The following FBLN2 variants were observed in gnomAD, a reference collection of about 807,000 sequenced individuals.
FBLN2 encodes the protein fibulin-2.
A neutral mutation model predicts 123.7 loss-of-function variants in FBLN2; 81 were observed. The ratio of observed to expected loss-of-function variants is 0.65; its 90% confidence interval spans 0.55 to 0.79. The LOEUF is 0.79. Ranked by LOEUF, FBLN2 falls within the 30% of genes least tolerant of loss-of-function variation. The probability of loss-of-function intolerance (pLI) is 0.00; values close to 1 mark genes in which losing one functional copy is unlikely to be tolerated. For missense variants in FBLN2, 1,603 were observed against 1,681.3 expected, an observed-to-expected ratio of 0.95 and a Z score of 0.81; for synonymous variants, 699 against 701.4, an observed-to-expected ratio of 1.00 and a Z score of 0.05.
In FBLN2 at chr3:13,613,866, T is replaced by TA. The variant is rs1705485789; in HGVS notation, c.1549-117dup. 7 of 1,153,266 alleles carry TA rather than the reference T, an allele frequency of 6.1e-6. No homozygotes were observed. The South Asian group carries it at 8.2e-5, about 14-fold the overall frequency. The allele number at this position is 1,153,266 out of a possible 1,614,324, so 71.4% of individuals were successfully genotyped here. A position where few individuals can be genotyped will look rare whatever the true frequency, so the allele number is the denominator to read the frequency against. ...GACCCCTCTGCCCTGGGAGAGCGCATAGTCTGGCAGAGGAGATAAGATAAT... is the reference window on the plus strand; with the variant it reads ...GACCCCTCTGCCCTGGGAGAGCGCATAAGTCTGGCAGAGGAGATAAGATAAT... On this transcript the variant is annotated intron_variant, in intron 4 of 17. Transcript: ENST00000404922.
In FBLN2 at chr3:13,614,230, G is replaced by A. The variant is rs909498531; in HGVS notation, c.1729+66G>A. On this transcript the variant is annotated intron_variant, in intron 5 of 17. Coordinates refer to ENST00000404922, the MANE Select transcript of FBLN2 (RefSeq NM_001004019.2). The stretch of plus-strand genomic sequence containing the variant: ...GGCTGGTTGACCTCTGGCCTTCTGT[G>A]GGGACCCTGGGTCCATCATCACCTG... 6 of 1,496,386 alleles carry A rather than the reference G, an allele frequency of 4.0e-6. No individual in the cohort carries two copies. The African/African-American group carries it at 8.2e-5, about 21-fold the overall frequency. The allele number at this position is 1,496,386 out of a possible 1,614,324, so 92.7% of individuals were successfully genotyped here.
rs372132286 is a variant in FBLN2 at position 13,627,821 on chromosome 3, C to T, written c.2432-11C>T. The T allele has an allele frequency of 2.4e-5, 39 of 1,610,690 alleles. No individual in the cohort carries two copies. Among genetic ancestry groups the T allele is most frequent in the Non-Finnish European group, 3.3e-5 (39 of 1,178,330 alleles). ...CCCCCCAGCCCTTGACACCCAGCCT[C>T]TCCGCTGCAGACGTGGATGAGTGTG... On this transcript the variant is annotated splice_polypyrimidine_tract_variant and intron_variant, in intron 10 of 17. Transcript: ENST00000404922.
chr3:13,604,803 G>A (rs1447130159), intron 2 of FBLN2, among the ~76,000 whole-genome samples: 1 of 152,192 alleles, frequency 6.6e-6, no homozygotes, highest in African/African-American at 2.4e-5. Context: ...TGTTTTCCCT[G>A]TTTTACAGAA....
At chr3:13,600,997 G>T (rs557313639) in intron 2 of FBLN2, among the ~76,000 whole-genome samples, 1 of 152,292 alleles carries the variant, frequency 6.6e-6, no homozygotes, top group East Asian at 1.9e-4. Flanking sequence ...GGTGTTGAGG[G>T]TGTCCATCAC....
chr3:13,601,293 ATGT>A (rs1280624225), intron 2 of FBLN2, among the ~76,000 whole-genome samples: 1 of 152,234 alleles, frequency 6.6e-6, no homozygotes, highest in East Asian at 1.9e-4. Context: ...CTGTAGAAGA[ATGT>A]TGTGAGTCTG....
At chr3:13,569,302 C>T (rs1703845393) in intron 1 of FBLN2, among the ~76,000 whole-genome samples, 1 of 133,138 alleles carries the variant, frequency 7.5e-6, no homozygotes, top group Admixed American at 6.9e-5. Flanking sequence ...AGCTGGGAAT[C>T]CAGACCTTTC....
At chr3:13,617,951 T>A in intron 5 of FBLN2, 125 bp from the exon 6 acceptor site, 12 of 674,022 alleles carry the variant, frequency 1.8e-5, no homozygotes, top group East Asian at 3.3e-5. Context: ...GCTTCATCCA[T>A]CCTTGCTGTC....
At position 13,618,294 on chromosome 3, in the gene FBLN2, C is replaced by T; in HGVS notation, c.1939+9C>T. The stretch of plus-strand genomic sequence containing the variant: ...CCGCACTTGCCGCCCAGGTAAGGGC[C>T]CTGATGGCCAGGGCAGGGGCTATGG... On this transcript the variant is annotated intron_variant, in intron 6 of 17. Coordinates refer to ENST00000404922, the MANE Select transcript of FBLN2 (RefSeq NM_001004019.2). The T allele has an allele frequency of 1.9e-6, 3 of 1,613,392 alleles. No homozygotes were observed. The highest frequency in any genetic ancestry group is 2.5e-6 in the Non-Finnish European group (3 of 1,179,728).
chr3:13,560,875 G>A (rs1164074661), intron 1 of FBLN2, among the ~76,000 whole-genome samples: 3 of 152,152 alleles, frequency 2.0e-5, no homozygotes, highest in African/African-American at 4.8e-5. Context: ...GTGCAGTGGT[G>A]TGATTATAGC....
chr3:13,557,133 A>G (rs1574940841), intron 1 of FBLN2, among the ~76,000 whole-genome samples: 1 of 152,326 alleles, frequency 6.6e-6, no homozygotes, highest in East Asian at 1.9e-4. Flanking sequence ...GCCTGGGAAG[A>G]ACATCTGCCC....
intron 10 of FBLN2, among the ~76,000 whole-genome samples, chr3:13,627,408 C>T (rs1032773562): frequency 3.9e-5 from 6 of 152,134 alleles, no homozygotes; most frequent in African/African-American, 7.2e-5. Flanking sequence ...TCCCCACTTC[C>T]GCCCCCTGCA....
At chr3:13,560,383 C>T (rs1443057094) in intron 1 of FBLN2, among the ~76,000 whole-genome samples, 2 of 152,156 alleles carry the variant, frequency 1.3e-5, no homozygotes, top group African/African-American at 2.4e-5. Flanking sequence ...GCATGGGGCA[C>T]CTGGTACCCT....
At chr3:13,609,424 C>A in intron 3 of FBLN2, 89 bp from the exon 4 acceptor site, 1 of 1,418,238 alleles carries the variant, frequency 7.1e-7, no homozygotes, top group Non-Finnish European at 9.3e-7. Context: ...GGACCTTGGG[C>A]AGAGCTTCCC....
intron 2 of FBLN2, among the ~76,000 whole-genome samples, chr3:13,599,672 G>A (rs917406086): frequency 1.3e-5 from 2 of 151,844 alleles, no homozygotes; most frequent in African/African-American, 2.4e-5. Context: ...CTTTGGAGGT[G>A]GCCCTGTGAG....
chr3:13,633,668 A>C (rs77398151), intron 16 of FBLN2, among the ~76,000 whole-genome samples: 1,563 of 152,324 alleles, frequency 0.01, 30 homozygotes, highest in African/African-American at 0.036. Flanking sequence ...GGGGGAAAGA[A>C]TGTGTTGGAT....
At chr3:13,599,849 C>T (rs1455560795) in intron 2 of FBLN2, among the ~76,000 whole-genome samples, 1 of 149,990 alleles carries the variant, frequency 6.7e-6, no homozygotes, top group Non-Finnish European at 1.5e-5. Flanking sequence ...GGGGTGGTTT[C>T]TTGGCCAGCT....
chr3:13,571,626 A>T lies in FBLN2; in HGVS notation c.1271A>T (p.Asn424Ile). The change falls in exon 2 of 18, where the codon AAC (asparagine) becomes ATC (isoleucine). Residue 424 changes from asparagine to isoleucine, a missense_variant. Transcript: ENST00000404922. ...HSHVEEDTDP[N>I]SVHSIPRSSP... ...CACGTGGAGGAGGACACAGACCCCA[A>T]CTCTGTCCATTCTATCCCCAGAAGT... is the stretch of plus-strand genomic sequence containing the variant. The T allele has an allele frequency of 4.4e-6, 7 of 1,608,504 alleles. No individual in the cohort carries two copies. Among genetic ancestry groups the T allele is most frequent in the Non-Finnish European group, 5.9e-6 (7 of 1,177,184 alleles).
At chr3:13,612,541 C>T (rs1225466438) in intron 4 of FBLN2, among the ~76,000 whole-genome samples, 17 of 151,882 alleles carry the variant, frequency 1.1e-4, no homozygotes, top group African/African-American at 3.1e-4. Flanking sequence ...CCACCACGCC[C>T]GGCTGATTTT....
At chr3:13,578,923 T>C (rs112354824) in intron 2 of FBLN2, among the ~76,000 whole-genome samples, 109 of 152,270 alleles carry the variant, frequency 7.2e-4, no homozygotes, top group African/African-American at 2.6e-3. Flanking sequence ...GGTGTGGTGG[T>C]GCATGCCTAT....
Sources: gnomAD v4.1 joint callset for allele counts (sites outside exome capture counted in the v4.1 genomes callset) on GRCh38, gnomAD v4.1.1 for gene constraint, MANE v1.5 for transcripts, NCBI Gene and HGNC (gene_info 2026-07-23, HGNC 2026-07-21) for gene names.